The following CCT3 variants were observed in gnomAD, a reference collection of about 807,000 sequenced individuals.
CCT3 encodes chaperonin containing TCP1 subunit 3.
A neutral mutation model predicts 65.3 loss-of-function variants in CCT3; 10 were observed. That is an observed-to-expected ratio of 0.15 (90% CI 0.09 to 0.26). The LOEUF is 0.26. Ranked by LOEUF, CCT3 falls within the 10% of genes least tolerant of loss-of-function variation. The pLI is 1.00. For missense variants in CCT3, 626 were observed against 708.7 expected (o/e 0.88, Z 1.33); for synonymous variants, 225 against 242.3 (o/e 0.93, Z 0.66).
chr1:156,334,253 A>T (rs2101677274), intron 4 of CCT3, among the ~76,000 whole-genome samples: 1 of 152,304 alleles, frequency 6.6e-6, no homozygotes, highest in Non-Finnish European at 1.5e-5. Flanking sequence ...AAAAAAAAAA[A>T]AAAAGATATG....
At position 156,332,247 on chromosome 1, in the gene CCT3, C is replaced by T. The variant is rs555594315; in HGVS notation, c.304+1300G>A. Among the ~76,000 whole-genome samples, 32 of 152,230 alleles carry T rather than the reference C, an allele frequency of 2.1e-4. No homozygotes were observed. In the South Asian group the frequency reaches 5.0e-3, roughly 24 times the overall value. On this transcript the variant is annotated intron_variant, in intron 5 of 13. Coordinates refer to ENST00000295688, the MANE Select transcript of CCT3 (RefSeq NM_005998.5). ...CAGGCTGGTCTCGAACTCCTGACCT[C>T]GTGATCTGCCCACCTTGGCCTCCCA...
intron 2 of CCT3, 112 bp downstream of exon 2, chr1:156,335,715 T>C (rs1477664315): frequency 9.0e-6 from 7 of 778,928 alleles, no homozygotes; most frequent in African/African-American, 5.3e-5. Flanking sequence ...ACTTTTCCTC[T>C]GCCTATTTGC....
intron 2 of CCT3, 97 bp downstream of exon 2, chr1:156,335,730 T>C: frequency 1.1e-6 from 1 of 943,074 alleles, no homozygotes; most frequent in Non-Finnish European, 1.7e-6. Flanking sequence ...ATTTGCCTAC[T>C]CTATAAAGTC....
At position 156,327,339 on chromosome 1, in the gene CCT3, G is replaced by C. The variant is rs1026610943; in HGVS notation, c.305-2250C>G. 2.0e-5 allele frequency among the ~76,000 whole-genome samples: 3 copies of C among 152,088 alleles called. No homozygotes were observed. The East Asian group carries it at 5.8e-4, about 29-fold the overall frequency. On this transcript the variant is annotated intron_variant, in intron 5 of 13. Coordinates refer to ENST00000295688, the MANE Select transcript of CCT3 (RefSeq NM_005998.5). Reference sequence around the variant, plus strand: ...CTTTCCACGGTCTCCCTCTGATGCCGAGCTGAAGCTGGACTGTACTACTGC... The same window carrying C: ...CTTTCCACGGTCTCCCTCTGATGCCCAGCTGAAGCTGGACTGTACTACTGC...
intron 5 of CCT3, among the ~76,000 whole-genome samples, chr1:156,331,297 T>G (rs1570934738): frequency 6.6e-6 from 1 of 152,078 alleles, no homozygotes; most frequent in Middle Eastern, 3.4e-3. Context: ...GAGGCAAGCC[T>G]GGGCAACATG....
At chr1:156,314,363 C>T (rs191885705) in intron 10 of CCT3, among the ~76,000 whole-genome samples, 5 of 152,220 alleles carry the variant, frequency 3.3e-5, no homozygotes, top group Admixed American at 2.6e-4. Flanking sequence ...TGAAGGGTTT[C>T]AAGATATGAA....
At chr1:156,314,583 T>C (rs1227857779) in intron 10 of CCT3, among the ~76,000 whole-genome samples, 2 of 151,846 alleles carry the variant, frequency 1.3e-5, no homozygotes, top group Non-Finnish European at 2.9e-5. Context: ...GCTTGGTGGC[T>C]CACGCCTGTA....
At chr1:156,312,835 C>A (rs1200046438) in intron 10 of CCT3, among the ~76,000 whole-genome samples, 2 of 152,086 alleles carry the variant, frequency 1.3e-5, no homozygotes, top group African/African-American at 2.4e-5. Context: ...AACAGCATAC[C>A]TATATACACT....
chr1:156,319,259 C>T (rs1664446250), intron 7 of CCT3, among the ~76,000 whole-genome samples: 2 of 150,704 alleles, frequency 1.3e-5, no homozygotes, highest in African/African-American at 4.9e-5. Flanking sequence ...ACTACAGGCG[C>T]CCGCCACCAC....
chr1:156,321,998 G>A (rs757807639), intron 6 of CCT3, among the ~76,000 whole-genome samples: 21 of 152,210 alleles, frequency 1.4e-4, no homozygotes, highest in Non-Finnish European at 2.6e-4. Context: ...CTTCACGCCT[G>A]TAAACCCAAC....
chr1:156,315,205 C>T (rs1448430849), intron 10 of CCT3, among the ~76,000 whole-genome samples: 1 of 151,946 alleles, frequency 6.6e-6, no homozygotes, highest in Non-Finnish European at 1.5e-5. Context: ...GTTATCTCTT[C>T]CTTATGATTT....
At chr1:156,317,618 T>A in intron 8 of CCT3, 71 bp from the exon 9 acceptor site, 1 of 1,407,450 alleles carries the variant, frequency 7.1e-7, no homozygotes. Flanking sequence ...CATATTATAC[T>A]CCTTCCACCC....
rs139211789 is a variant in CCT3 at position 156,309,964 on chromosome 1, G to C, written c.1533+594C>G. Among the ~76,000 whole-genome samples, 416 of 148,112 alleles carry C rather than the reference G, an allele frequency of 2.8e-3. 9 individuals carry two copies. In the East Asian group the frequency reaches 0.066, roughly 24 times the overall value. On this transcript the variant is annotated intron_variant, in intron 13 of 13. Coordinates refer to ENST00000295688, the MANE Select transcript of CCT3 (RefSeq NM_005998.5). ...GAGGCAGGAGAATCACTTGAACCTG[G>C]GAGGTGGAGGCTGCAGTGAGCGGAG...
chr1:156,314,110 CATT>C (rs1664207363), intron 10 of CCT3, among the ~76,000 whole-genome samples: 1 of 142,162 alleles, frequency 7.0e-6, no homozygotes. Flanking sequence ...AAAAAGTCAA[CATT>C]ATGAAAGAGA....
intron 8 of CCT3, among the ~76,000 whole-genome samples, chr1:156,317,968 T>C (rs984980732): frequency 2.0e-5 from 3 of 152,088 alleles, no homozygotes; most frequent in Non-Finnish European, 4.4e-5. Flanking sequence ...CGCCTCTGCC[T>C]CCCAAAGTGC....
chr1:156,319,279 AT>A (rs144888660), intron 7 of CCT3, among the ~76,000 whole-genome samples: 36,193 of 147,576 alleles, frequency 0.25, 4,814 homozygotes, highest in Non-Finnish European at 0.3. Context: ...CACCCGGCTA[AT>A]TTTTTTTTTT....
chr1:156,332,777 A>G (rs1226603856), intron 5 of CCT3: 2 of 152,272 alleles, frequency 1.3e-5, no homozygotes, highest in Admixed American at 1.3e-4. Flanking sequence ...TGTGCCTTAC[A>G]GAGAAAATAC....
At chr1:156,331,323 G>A (rs1665087278) in intron 5 of CCT3, among the ~76,000 whole-genome samples, 1 of 143,056 alleles carries the variant, frequency 7.0e-6, no homozygotes, top group Admixed American at 6.9e-5. Context: ...CCATCTCTAC[G>A]AAAAATAAAT....
chr1:156,336,986 G>T, intron 1 of CCT3: 1 of 698,524 alleles, frequency 1.4e-6, no homozygotes, highest in Non-Finnish European at 2.0e-6. Flanking sequence ...ACTCTGAAAG[G>T]CAGTCAGTAT....
Sources: gnomAD v4.1 joint callset for allele counts (sites outside exome capture counted in the v4.1 genomes callset) on GRCh38, gnomAD v4.1.1 for gene constraint, MANE v1.5 for transcripts, NCBI Gene and HGNC (gene_info 2026-07-23, HGNC 2026-07-21) for gene names.